CSMD2: variants seen among roughly 807,000 people sequenced by gnomAD.
CSMD2 encodes the protein CUB and Sushi multiple domains 2.
A neutral mutation model predicts 398.5 loss-of-function variants in CSMD2; 130 were observed. The ratio of observed to expected loss-of-function variants is 0.33; its 90% CI spans 0.28 to 0.38. CSMD2 has a LOEUF of 0.38. Among genes scored for constraint, CSMD2 ranks in the 10% least tolerant of loss-of-function variants. The pLI is 1.00. For missense variants in CSMD2, 3,829 were observed against 4,764.9 expected, an observed-to-expected ratio of 0.80 and a Z score of 5.78; for synonymous variants, 1,828 against 1,908.5, an observed-to-expected ratio of 0.96 and a Z score of 1.10.
chr1:33,690,723 T>C (rs191820393), intron 25 of CSMD2, among the ~76,000 whole-genome samples: 6 of 152,334 alleles, frequency 3.9e-5, no homozygotes, highest in African/African-American at 1.2e-4. Flanking sequence ...CCACTAGGCA[T>C]ATAACTACCT....
At chr1:34,066,740 A>C (rs1160236586) in intron 2 of CSMD2, among the ~76,000 whole-genome samples, 1 of 152,110 alleles carries the variant, frequency 6.6e-6, no homozygotes, top group Non-Finnish European at 1.5e-5. Flanking sequence ...ACACTGCAGC[A>C]CAGTAGGCAT....
intron 1 of CSMD2, among the ~76,000 whole-genome samples, chr1:34,156,107 TG>T (rs1161952096): frequency 4.6e-5 from 7 of 152,202 alleles, no homozygotes; most frequent in Non-Finnish European, 8.8e-5. Context: ...CAGGAGGGGA[TG>T]CCAACATTGA....
intron 53 of CSMD2, among the ~76,000 whole-genome samples, chr1:33,565,898 A>G (rs1344568591): frequency 3.3e-5 from 5 of 152,142 alleles, no homozygotes; most frequent in Admixed American, 3.3e-4. Flanking sequence ...AGACAAAACC[A>G]TCTGAGAAAT....
intron 1 of CSMD2, among the ~76,000 whole-genome samples, chr1:34,141,264 C>A (rs1171682125): frequency 6.6e-6 from 1 of 152,036 alleles, no homozygotes; most frequent in Non-Finnish European, 1.5e-5. Flanking sequence ...ATTCATCAAG[C>A]CCCTACTATG....
chr1:33,561,664 C>T (rs1024400914), intron 53 of CSMD2, among the ~76,000 whole-genome samples: 1 of 152,116 alleles, frequency 6.6e-6, no homozygotes, highest in Non-Finnish European at 1.5e-5. Context: ...TAGAGCCCAG[C>T]GCAGTGGACC....
intron 3 of CSMD2, among the ~76,000 whole-genome samples, chr1:34,004,015 G>A (rs1646981619): frequency 6.6e-6 from 1 of 152,192 alleles, no homozygotes; most frequent in African/African-American, 2.4e-5. Flanking sequence ...AGCCCCAGGA[G>A]ACCAGCCAAT....
intron 2 of CSMD2, among the ~76,000 whole-genome samples, chr1:34,056,383 C>G (rs1172482407): frequency 6.6e-6 from 1 of 152,178 alleles, no homozygotes. Flanking sequence ...TCTCTGGATC[C>G]CAATGCTAAG....
chr1:33,935,614 T>C, intron 4 of CSMD2, 146 bp downstream of exon 4: 5 of 797,146 alleles, frequency 6.3e-6, no homozygotes, highest in Non-Finnish European at 9.6e-6. Flanking sequence ...TTGAGGACCC[T>C]GAAAACCCTC....
intron 25 of CSMD2, among the ~76,000 whole-genome samples, chr1:33,673,523 T>A (rs557078696): frequency 1.3e-5 from 2 of 152,212 alleles, no homozygotes; most frequent in Non-Finnish European, 2.9e-5. Flanking sequence ...TGGAACCAAG[T>A]TGGAAAACAC....
chr1:34,009,203 A>G (rs1177604415), intron 3 of CSMD2, among the ~76,000 whole-genome samples: 1 of 151,958 alleles, frequency 6.6e-6, no homozygotes, highest in Non-Finnish European at 1.5e-5. Context: ...TGTCTCTCCT[A>G]TGAGAAAAAC....
chr1:34,058,764 A>C (rs777307804), intron 2 of CSMD2, among the ~76,000 whole-genome samples: 1 of 152,304 alleles, frequency 6.6e-6, no homozygotes, highest in Non-Finnish European at 1.5e-5. Context: ...AGGGCTGGTC[A>C]GCCCTGGTCC....
At chr1:33,830,277 A>T (rs978409333) in intron 6 of CSMD2, among the ~76,000 whole-genome samples, 1 of 152,188 alleles carries the variant, frequency 6.6e-6, no homozygotes, top group African/African-American at 2.4e-5. Context: ...GGGCAGACTG[A>T]CACCTCACAC....
At chr1:34,055,870 C>T (rs974687786) in intron 2 of CSMD2, among the ~76,000 whole-genome samples, 1 of 152,196 alleles carries the variant, frequency 6.6e-6, no homozygotes, top group Non-Finnish European at 1.5e-5. Flanking sequence ...AAAATCCCAA[C>T]TCTTTAATCA....
chr1:33,942,859 A>G lies in CSMD2; in HGVS notation c.518-6905T>C, dbSNP rs74910083. 2.0e-3 allele frequency among the ~76,000 whole-genome samples: 302 copies of G among 152,312 alleles called. 3 individuals are homozygous for G. The highest frequency in any genetic ancestry group is 6.5e-3 in the African/African-American group (272 of 41,588). On this transcript the variant is annotated intron_variant, in intron 3 of 70. Coordinates refer to ENST00000373381, the MANE Select transcript of CSMD2 (RefSeq NM_001281956.2). ...CAGCAGCAAATGTGGCCTCTCTCCTAGAGTTTCCTGTCCTCCATAAACCAC... is the reference window on the plus strand; with the variant it reads ...CAGCAGCAAATGTGGCCTCTCTCCTGGAGTTTCCTGTCCTCCATAAACCAC...
chr1:33,720,234 G>A (rs1309611396), intron 19 of CSMD2, among the ~76,000 whole-genome samples: 1 of 152,212 alleles, frequency 6.6e-6, no homozygotes, highest in Non-Finnish European at 1.5e-5. Context: ...AGAGCCAGAA[G>A]CCAAGAAAAC....
At chr1:33,858,010 A>G (rs1341955524) in intron 5 of CSMD2, among the ~76,000 whole-genome samples, 1 of 152,188 alleles carries the variant, frequency 6.6e-6, no homozygotes, top group Non-Finnish European at 1.5e-5. Context: ...GTAGCCAGGC[A>G]TCCCCCAACC....
intron 44 of CSMD2, among the ~76,000 whole-genome samples, chr1:33,596,576 T>C (rs1014586623): frequency 1.1e-4 from 16 of 152,072 alleles, no homozygotes; most frequent in Admixed American, 9.2e-4. Flanking sequence ...TTTACAATCA[T>C]GGGAGAAGGG....
At chr1:33,953,372 A>T (rs1204108403) in intron 3 of CSMD2, among the ~76,000 whole-genome samples, 1 of 152,182 alleles carries the variant, frequency 6.6e-6, no homozygotes, top group East Asian at 1.9e-4. Flanking sequence ...ACACAGCCAG[A>T]ACCAGCTTCT....
intron 6 of CSMD2, among the ~76,000 whole-genome samples, chr1:33,835,291 G>T (rs1660080979): frequency 2.0e-5 from 1 of 50,910 alleles, no homozygotes. Context: ...AGAAAATGTG[G>T]CACATATACA....
Sources: allele counts gnomAD v4.1 joint callset (sites outside exome capture counted in the v4.1 genomes callset), GRCh38; gene constraint gnomAD v4.1.1; transcripts MANE v1.5; gene names NCBI Gene and HGNC (gene_info 2026-07-23, HGNC 2026-07-21).